Variants in ITGA6 observed in about 807,000 individuals in gnomAD.
The protein encoded by ITGA6 is integrin subunit alpha 6, also known as integrin alpha-6.
ITGA6 carries 63 observed loss-of-function variants against 133.6 expected under a neutral mutation model. That is an observed-to-expected ratio of 0.47 (90% CI 0.38 to 0.58). The LOEUF (loss-of-function observed/expected upper bound fraction) is 0.58, where lower values mean the gene tolerates loss of function less well. Ranked by LOEUF, ITGA6 falls within the 20% of genes least tolerant of loss-of-function variation. The pLI is 0.00. For synonymous variants in ITGA6, 434 were observed against 482.0 expected (o/e 0.90, Z 1.30); for missense variants, 1,068 against 1,309.4 (o/e 0.82, Z 2.85).
chr2:172,469,467 G>T, intron 4 of ITGA6, 87 bp downstream of exon 4: 1 of 1,037,952 alleles, frequency 9.6e-7, no homozygotes, highest in Non-Finnish European at 1.4e-6. Flanking sequence ...AAATGTGTTA[G>T]AAGACATTCG....
At chr2:172,435,417 T>TA (rs1684274281) in intron 1 of ITGA6, among the ~76,000 whole-genome samples, 2 of 152,052 alleles carry the variant, frequency 1.3e-5, no homozygotes, top group African/African-American at 4.8e-5. Flanking sequence ...GCAGTGTGAT[T>TA]ATGTATGTCC....
intron 1 of ITGA6, among the ~76,000 whole-genome samples, chr2:172,438,319 G>A (rs57878744): frequency 0.078 from 11,835 of 151,748 alleles, 650 homozygotes; most frequent in East Asian, 0.26. Flanking sequence ...GCTCATCACA[G>A]TTATGAGGAA....
chr2:172,505,122 C>G lies in ITGA6; in HGVS notation c.*1054C>G, dbSNP rs2149111109. 6.5e-6 allele frequency: 1 copy of G among 152,702 alleles called. No homozygotes were observed. The allele number at this position is 152,702 out of a possible 1,614,324, so 9.5% of individuals were successfully genotyped here. On this transcript the variant is annotated 3_prime_UTR_variant, in exon 26 of 26. Transcript: ENST00000684293. The stretch of plus-strand genomic sequence containing the variant: ...TATAACCTCTCCTTCATGACAGCCT[C>G]CACCCCACAACCCAAAAGGTTTAAG...
At chr2:172,435,031 T>C (rs921540819) in intron 1 of ITGA6, among the ~76,000 whole-genome samples, 1 of 130,440 alleles carries the variant, frequency 7.7e-6, no homozygotes, top group Non-Finnish European at 1.7e-5. Flanking sequence ...GTTTTAAGTG[T>C]GTGTGTGTGT....
chr2:172,472,811 T>C (rs762516475), intron 5 of ITGA6: 1 of 1,612,588 alleles, frequency 6.2e-7, no homozygotes, highest in Non-Finnish European at 8.5e-7. Flanking sequence ...ATACAGATCC[T>C]GATCAGTTTG....
intron 1 of ITGA6, among the ~76,000 whole-genome samples, chr2:172,441,895 C>T (rs1446872828): frequency 5.3e-5 from 8 of 152,132 alleles, no homozygotes; most frequent in East Asian, 1.9e-4. Context: ...AACCCCATCC[C>T]GCCCTCACCC....
At chr2:172,465,194 A>G (rs1685599030) in intron 1 of ITGA6, 1 of 334,112 alleles carries the variant, frequency 3.0e-6, no homozygotes, top group Non-Finnish European at 5.7e-6. Context: ...CTTGAGTTTC[A>G]TATGATATCC....
chr2:172,473,305 C>T (rs889405668), intron 5 of ITGA6, among the ~76,000 whole-genome samples: 1 of 152,210 alleles, frequency 6.6e-6, no homozygotes, highest in African/African-American at 2.4e-5. Flanking sequence ...CTACCTGATG[C>T]TTTATAATGG....
chr2:172,469,896 G>C (rs1347826397), intron 4 of ITGA6, among the ~76,000 whole-genome samples: 1 of 152,086 alleles, frequency 6.6e-6, no homozygotes, highest in African/African-American at 2.4e-5. Context: ...GGAATTTTGA[G>C]GTATAATTTC....
intron 20 of ITGA6, chr2:172,490,715 C>T (rs544372118): frequency 1.7e-5 from 6 of 343,550 alleles, no homozygotes; most frequent in African/African-American, 8.5e-5. Flanking sequence ...AAGATTTGAT[C>T]TCTGATCTCA....
intron 1 of ITGA6, among the ~76,000 whole-genome samples, chr2:172,443,297 G>A (rs1484838841): frequency 6.6e-6 from 1 of 152,040 alleles, no homozygotes; most frequent in Non-Finnish European, 1.5e-5. Flanking sequence ...ACTCAGTTTC[G>A]AGGATGAACT....
At chr2:172,478,369 TC>T (rs1422052864) in intron 9 of ITGA6, among the ~76,000 whole-genome samples, 1 of 152,158 alleles carries the variant, frequency 6.6e-6, no homozygotes, top group Admixed American at 6.5e-5. Flanking sequence ...GAAACACTGT[TC>T]TCCAGAATGG....
At position 172,427,600 on chromosome 2, in the gene ITGA6, G is replaced by A. The variant is rs1683896486; in HGVS notation, c.-189G>A. On this transcript the variant is annotated 5_prime_UTR_variant, in exon 1 of 26. Transcript: ENST00000684293. ...CTCCAGAGAACAACGGGCTCATTCA[G>A]CGGTCGCGAGCTGCCCGCGAGGGGG... 1 of 1,270,120 alleles carries A rather than the reference G, an allele frequency of 7.9e-7. No individual in the cohort carries two copies. Among genetic ancestry groups the A allele is most frequent in the Non-Finnish European group, 9.9e-7 (1 of 1,011,276 alleles). 78.7% of individuals were successfully genotyped at this position (1,270,120 alleles called of 1,614,324 possible). A position where few individuals can be genotyped will look rare whatever the true frequency, so the allele number is the denominator to read the frequency against.
At chr2:172,450,576 G>A (rs1026198962) in intron 1 of ITGA6, among the ~76,000 whole-genome samples, 1 of 152,134 alleles carries the variant, frequency 6.6e-6, no homozygotes, top group African/African-American at 2.4e-5. Flanking sequence ...TGCATTGGAC[G>A]TGGGATATAA....
At chr2:172,462,844 G>A (rs1438848686) in intron 1 of ITGA6, among the ~76,000 whole-genome samples, 3 of 152,168 alleles carry the variant, frequency 2.0e-5, no homozygotes, top group Admixed American at 6.5e-5. Context: ...GTCCTTTAGC[G>A]CTGCTGACCA....
At chr2:172,480,103 A>G in intron 11 of ITGA6, 52 bp downstream of exon 11, 2 of 1,051,040 alleles carry the variant, frequency 1.9e-6, no homozygotes, top group Non-Finnish European at 3.0e-6. Context: ...GCCAGGTTGA[A>G]AGTTCTGCAT....
rs144920392 is a variant in ITGA6 at position 172,506,458 on chromosome 2, A to G, written c.*2390A>G. ...ACCTACAGGTATTTAACAACCTACA[A>G]ATTGGGAGTTGTCTTTGGACTGAAT... On this transcript the variant is annotated 3_prime_UTR_variant, in exon 26 of 26. Transcript: ENST00000684293. Among the ~76,000 whole-genome samples, 335 of 152,184 alleles carry G rather than the reference A, an allele frequency of 2.2e-3. 5 individuals carry two copies. The highest frequency in any genetic ancestry group is 7.8e-3 in the African/African-American group (322 of 41,534).
At chr2:172,437,456 A>T (rs1323205048) in intron 1 of ITGA6, among the ~76,000 whole-genome samples, 2 of 152,164 alleles carry the variant, frequency 1.3e-5, no homozygotes, top group Non-Finnish European at 2.9e-5. Context: ...CAGAGTAGAG[A>T]AGAATGTGTC....
intron 1 of ITGA6, among the ~76,000 whole-genome samples, chr2:172,448,235 A>T (rs1684845076): frequency 6.6e-6 from 1 of 152,064 alleles, no homozygotes; most frequent in Non-Finnish European, 1.5e-5. Context: ...TACTTAATAG[A>T]CGTTAATTAT....
Sources: gnomAD v4.1 joint callset for allele counts (sites outside exome capture counted in the v4.1 genomes callset) on GRCh38, gnomAD v4.1.1 for gene constraint, MANE v1.5 for transcripts, NCBI Gene and HGNC (gene_info 2026-07-23, HGNC 2026-07-21) for gene names.